Variants in KIAA0825 observed in about 807,000 individuals in gnomAD.
The protein encoded by KIAA0825 is uncharacterized protein KIAA0825.
In KIAA0825, 119 loss-of-function variants were observed where a neutral mutation model predicts 147.6. The ratio of observed to expected loss-of-function variants is 0.81; its 90% CI spans 0.69 to 0.94. The LOEUF is 0.94. Among genes scored for constraint, KIAA0825 ranks in the 40% least tolerant of loss-of-function variants. The pLI is 0.00. For synonymous variants in KIAA0825, 470 were observed against 518.1 expected (o/e 0.91, Z 1.26); for missense variants, 1,381 against 1,472.7 (o/e 0.94, Z 1.02).
intron 14 of KIAA0825, among the ~76,000 whole-genome samples, 156 bp downstream of exon 14, chr5:94,439,826 C>T (rs989527541): frequency 1.3e-5 from 2 of 152,088 alleles, no homozygotes; most frequent in Non-Finnish European, 2.9e-5. Context: ...GTTGGTAAAG[C>T]GATTTAATGC....
At chr5:94,494,467 A>C (rs773887077) in intron 5 of KIAA0825, among the ~76,000 whole-genome samples, 7 of 152,070 alleles carry the variant, frequency 4.6e-5, no homozygotes, top group Non-Finnish European at 8.8e-5. Context: ...ATTCAGGGCA[A>C]ATTTCTGAAT....
At chr5:94,594,147 A>AG (rs1784845269) in intron 1 of KIAA0825, 2 of 556,672 alleles carry the variant, frequency 3.6e-6, no homozygotes, top group Non-Finnish European at 7.2e-6. Flanking sequence ...AATATCTGCT[A>AG]AAGGTAATTT....
At chr5:94,452,905 AAT>A in intron 13 of KIAA0825, 52 bp downstream of exon 13, 1 of 974,988 alleles carries the variant, frequency 1.0e-6, no homozygotes, top group Non-Finnish European at 1.4e-6. Context: ...ATTTCTATTA[AAT>A]TTTAAAAGGA....
chr5:94,411,386 T>C (rs150742782), intron 15 of KIAA0825, among the ~76,000 whole-genome samples: 447 of 152,268 alleles, frequency 2.9e-3, no homozygotes, highest in African/African-American at 0.01. Context: ...ATGCATCTAT[T>C]TGATCACTTG....
At chr5:94,194,671 CT>C (rs1770972699) in intron 20 of KIAA0825, among the ~76,000 whole-genome samples, 1 of 152,182 alleles carries the variant, frequency 6.6e-6, no homozygotes, top group Non-Finnish European at 1.5e-5. Context: ...TTCACTCTTC[CT>C]TGCTGCTGCT....
At position 94,436,751 on chromosome 5, in the gene KIAA0825, G is replaced by T. The variant is rs954592509; in HGVS notation, c.2497+3231C>A. 5.3e-5 allele frequency among the ~76,000 whole-genome samples: 8 copies of T among 152,064 alleles called. No individual in the cohort carries two copies. The East Asian group carries it at 1.5e-3, about 29-fold the overall frequency. ...CACAATATTGATTCTTCCTTTCCAT[G>T]AGCATGAAATGTTTTTCCATTTGTT... On this transcript the variant is annotated intron_variant, in intron 14 of 20. Transcript: ENST00000682413.
intron 1 of KIAA0825, chr5:94,592,819 C>A: frequency 2.1e-6 from 1 of 481,522 alleles, no homozygotes. Flanking sequence ...TATGCTTCGG[C>A]TAAGAGCTAT....
chr5:94,505,183 AC>A (rs2151136035), intron 5 of KIAA0825, among the ~76,000 whole-genome samples: 1 of 151,416 alleles, frequency 6.6e-6, no homozygotes, highest in East Asian at 2.0e-4. Flanking sequence ...ACACAGTGAA[AC>A]CCTATCTCTA....
intron 20 of KIAA0825, among the ~76,000 whole-genome samples, chr5:94,196,171 G>A (rs1264761115): frequency 6.6e-6 from 1 of 152,128 alleles, no homozygotes. Context: ...CATTCCTTAG[G>A]GAATGAAGCT....
intron 2 of KIAA0825, among the ~76,000 whole-genome samples, chr5:94,553,134 T>C (rs1775848141): frequency 6.6e-6 from 1 of 152,202 alleles, no homozygotes; most frequent in Admixed American, 6.5e-5. Flanking sequence ...TGTACAACGA[T>C]TGTCAATAAA....
intron 5 of KIAA0825, among the ~76,000 whole-genome samples, chr5:94,499,198 G>A (rs1764734594): frequency 6.6e-6 from 1 of 152,128 alleles, no homozygotes; most frequent in South Asian, 2.1e-4. Context: ...ACATCATATG[G>A]AACTCTCAGG....
chr5:94,516,615 C>A (rs1266584547), intron 5 of KIAA0825, among the ~76,000 whole-genome samples: 3 of 147,226 alleles, frequency 2.0e-5, no homozygotes, highest in African/African-American at 7.6e-5. Flanking sequence ...CACGGTGAAA[C>A]CCCGTCTCTA....
In KIAA0825 at chr5:94,453,020, A is replaced by G. The variant is rs1016273962; in HGVS notation, c.2296T>C (p.Phe766Leu). The change falls in exon 13 of 21, where the codon TTT becomes CTT. Residue 766 changes from phenylalanine to leucine, a missense_variant. By Grantham distance (22) the Phe-to-Leu change is conservative. Transcript: ENST00000682413. ...DESASDSLKSFFKQPLYWVSC... is the reference protein window; with the variant it reads ...DESASDSLKSLFKQPLYWVSC... ...ACCCAATATAATGGTTGCTTAAAAAATGATTTTAAGGAATCTGAAGCAGAC... is the reference window on the plus strand; with the variant it reads ...ACCCAATATAATGGTTGCTTAAAAAGTGATTTTAAGGAATCTGAAGCAGAC... 49 of 1,530,024 alleles carry G rather than the reference A, an allele frequency of 3.2e-5. No individual in the cohort carries two copies. Among genetic ancestry groups the G allele is most frequent in the African/African-American group, 7.0e-5 (5 of 71,350 alleles). The allele number at this position is 1,530,024 out of a possible 1,614,324, so 94.8% of individuals were successfully genotyped here. A position where few individuals can be genotyped will look rare whatever the true frequency, so the allele number is the denominator to read the frequency against.
At chr5:94,408,902 T>C (rs1752420067) in intron 15 of KIAA0825, among the ~76,000 whole-genome samples, 1 of 152,230 alleles carries the variant, frequency 6.6e-6, no homozygotes, top group Non-Finnish European at 1.5e-5. Context: ...TAATTATGAA[T>C]GGCTGAGATA....
chr5:94,562,738 C>G (rs2152295601), intron 2 of KIAA0825, among the ~76,000 whole-genome samples: 1 of 152,262 alleles, frequency 6.6e-6, no homozygotes, highest in East Asian at 1.9e-4. Flanking sequence ...GATTGACTCA[C>G]AGGATTATCA....
chr5:94,371,634 T>G (rs1746723725), intron 20 of KIAA0825, among the ~76,000 whole-genome samples: 1 of 152,156 alleles, frequency 6.6e-6, no homozygotes, highest in South Asian at 2.1e-4. Context: ...ACCACCCCCA[T>G]GATTCAGTTA....
intron 2 of KIAA0825, among the ~76,000 whole-genome samples, chr5:94,542,573 G>C (rs902153509): frequency 6.6e-6 from 1 of 152,174 alleles, no homozygotes; most frequent in Non-Finnish European, 1.5e-5. Flanking sequence ...TTGGGAGTCC[G>C]AGGCAGAGGG....
intron 2 of KIAA0825, among the ~76,000 whole-genome samples, chr5:94,540,217 A>G (rs1773010341): frequency 1.3e-5 from 2 of 152,204 alleles, no homozygotes; most frequent in Admixed American, 6.5e-5. Context: ...GGACTTGTGA[A>G]GCTAGTCTTA....
chr5:94,422,691 T>G (rs1206186012), intron 14 of KIAA0825, among the ~76,000 whole-genome samples: 1 of 152,188 alleles, frequency 6.6e-6, no homozygotes, highest in Non-Finnish European at 1.5e-5. Context: ...GTTTTGTTTT[T>G]CTAATATAAA....
Sources: gnomAD v4.1 joint callset for allele counts (sites outside exome capture counted in the v4.1 genomes callset) on GRCh38, gnomAD v4.1.1 for gene constraint, MANE v1.5 for transcripts, NCBI Gene and HGNC (gene_info 2026-07-23, HGNC 2026-07-21) for gene names.